SENP5: variants seen among roughly 807,000 people sequenced by gnomAD.
The protein encoded by SENP5 is SUMO specific peptidase 5, also known as sentrin-specific protease 5.
A neutral mutation model predicts 74.2 loss-of-function variants in SENP5; 21 were observed. The observed-to-expected ratio is 0.28, with a 90% CI of 0.20 to 0.41. The LOEUF (loss-of-function observed/expected upper bound fraction) is 0.41. SENP5 is among the 10% of genes least tolerant of loss of function. The pLI is 1.00. For synonymous variants in SENP5, 311 were observed against 312.7 expected (o/e 0.99, Z 0.06); for missense variants, 717 against 889.1 (o/e 0.81, Z 2.46).
At chr3:196,881,896 G>T (rs1177215256) in intron 1 of SENP5, among the ~76,000 whole-genome samples, 12 of 109,172 alleles carry the variant, frequency 1.1e-4, no homozygotes, top group Admixed American at 2.2e-4. Context: ...GATAGTATTA[G>T]TTTTTTTTTT....
chr3:196,903,197 T>C (rs1714767671), intron 5 of SENP5, among the ~76,000 whole-genome samples: 1 of 152,154 alleles, frequency 6.6e-6, no homozygotes. Flanking sequence ...TGGAGTGCAG[T>C]GATGTGATCT....
At chr3:196,909,677 T>C (rs2108846941) in intron 6 of SENP5, among the ~76,000 whole-genome samples, 1 of 152,322 alleles carries the variant, frequency 6.6e-6, no homozygotes, top group Non-Finnish European at 1.5e-5. Context: ...ATTATTTCAG[T>C]AGATGCAGAA....
intron 6 of SENP5, among the ~76,000 whole-genome samples, chr3:196,912,422 G>A (rs1281175785): frequency 6.6e-6 from 1 of 151,864 alleles, no homozygotes; most frequent in Non-Finnish European, 1.5e-5. Flanking sequence ...GGCCTGTCAG[G>A]GGGTTGGGGG....
At chr3:196,911,589 A>T (rs1715131665) in intron 6 of SENP5, among the ~76,000 whole-genome samples, 2 of 151,446 alleles carry the variant, frequency 1.3e-5, no homozygotes, top group South Asian at 4.2e-4. Context: ...TTATGTAGCC[A>T]AAAAACATAT....
Position 196,898,594 on chromosome 3 carries a change from C to G in SENP5, c.1514-1072C>G, listed in dbSNP as rs1249207834. Among the ~76,000 whole-genome samples, 2 of 151,730 alleles carry G rather than the reference C, an allele frequency of 1.3e-5. 1 individual carries two copies. Among genetic ancestry groups the G allele is most frequent in the South Asian group, 4.2e-4 (2 of 4,810 alleles). On this transcript the variant is annotated intron_variant, in intron 2 of 9. Coordinates refer to ENST00000323460, the MANE Select transcript of SENP5 (RefSeq NM_152699.5). ...GGGATGATAGAAAGAGACCCCATCT[C>G]CAAAAAATTCTATTTACTGTCTTAA... is the stretch of plus-strand genomic sequence containing the variant.
chr3:196,932,686 C>CA lies in SENP5; in HGVS notation c.*1766dup, dbSNP rs1716078191. Reference sequence around the variant, plus strand: ...AATGAGTTTTTCAAACATAATTATGCAAACATGAGATTTTTCAAAACATGC... The same window carrying CA: ...AATGAGTTTTTCAAACATAATTATGCAAAACATGAGATTTTTCAAAACATGC... On this transcript the variant is annotated 3_prime_UTR_variant, in exon 10 of 10. Transcript: ENST00000323460. The CA allele has an allele frequency of 6.8e-6, 1 of 147,266 alleles. No homozygotes were observed. Among genetic ancestry groups the CA allele is most frequent in the Non-Finnish European group, 1.5e-5 (1 of 67,308 alleles). 9.1% of individuals were successfully genotyped at this position (147,266 alleles called of 1,614,324 possible). A position where few individuals can be genotyped will look rare whatever the true frequency, so the allele number is the denominator to read the frequency against.
At chr3:196,914,486 G>A (rs1715268388) in intron 6 of SENP5, 1 of 145,998 alleles carries the variant, frequency 6.8e-6, no homozygotes, top group South Asian at 2.2e-4. Flanking sequence ...AAAAAGCCAG[G>A]CAAAGTGGTA....
intron 2 of SENP5, among the ~76,000 whole-genome samples, chr3:196,888,907 G>A (rs955453260): frequency 5.3e-5 from 8 of 152,048 alleles, no homozygotes; most frequent in Non-Finnish European, 1.0e-4. Context: ...ATGAGGTCAG[G>A]AGATCGAGAC....
intron 9 of SENP5, among the ~76,000 whole-genome samples, chr3:196,930,587 T>A (rs1715998834): frequency 6.6e-6 from 1 of 152,170 alleles, no homozygotes; most frequent in South Asian, 2.1e-4. Flanking sequence ...TCTAGGTTGC[T>A]CACCCCTTAT....
intron 6 of SENP5, among the ~76,000 whole-genome samples, chr3:196,919,246 T>C (rs1241637209): frequency 6.6e-6 from 1 of 152,214 alleles, no homozygotes; most frequent in African/African-American, 2.4e-5. Context: ...TTTGGGAGAC[T>C]GAAGTGGGTG....
At chr3:196,911,412 C>T (rs542505525) in intron 6 of SENP5, among the ~76,000 whole-genome samples, 20 of 152,202 alleles carry the variant, frequency 1.3e-4, no homozygotes, top group African/African-American at 3.9e-4. Flanking sequence ...ACAGACACTT[C>T]GCAAAAGAAG....
chr3:196,902,707 C>T (rs75135747), intron 5 of SENP5, among the ~76,000 whole-genome samples: 20,754 of 152,238 alleles, frequency 0.14, 1,709 homozygotes, highest in Middle Eastern at 0.21. Flanking sequence ...AATATGTTTA[C>T]CCTCTAAGAT....
At chr3:196,877,984 G>A (rs6583183) in intron 1 of SENP5, among the ~76,000 whole-genome samples, 122,110 of 152,210 alleles carry the variant, frequency 0.8, 49,918 homozygotes, top group African/African-American at 0.95. Context: ...GAATATATAC[G>A]TTTAATTTTA....
intron 6 of SENP5, among the ~76,000 whole-genome samples, chr3:196,915,459 C>A (rs1485503913): frequency 6.6e-6 from 1 of 152,184 alleles, no homozygotes; most frequent in African/African-American, 2.4e-5. Context: ...ATAGCCCCAC[C>A]CTGGGCCAGA....
At position 196,876,047 on chromosome 3, in the gene SENP5, G is replaced by A. The variant is rs77159631; in HGVS notation, c.-32+7974G>A. Among the ~76,000 whole-genome samples the A allele has an allele frequency of 1.2e-3, 189 of 152,248 alleles. 7 individuals are homozygous for A. In the East Asian group the frequency reaches 0.03, roughly 25 times the overall value. ...CAATATTGGCAGTATACCATAGTAA[G>A]CGTTTATTTGAATTACATGTTTATT... On this transcript the variant is annotated intron_variant, in intron 1 of 9. Transcript: ENST00000323460.
chr3:196,896,106 A>G (rs1393435027), intron 2 of SENP5, among the ~76,000 whole-genome samples: 1 of 152,224 alleles, frequency 6.6e-6, no homozygotes. Context: ...GTTTCTGAGT[A>G]AAATAAATTG....
intron 6 of SENP5, among the ~76,000 whole-genome samples, chr3:196,913,536 T>C (rs1404631833): frequency 7.2e-6 from 1 of 139,088 alleles, no homozygotes; most frequent in Non-Finnish European, 1.5e-5. Context: ...GCCACTGCAC[T>C]CCAGCCTGGG....
chr3:196,885,278 T>C lies in SENP5; in HGVS notation c.97T>C (p.Phe33Leu), dbSNP rs781125133. ...GTTTGGAGGCTTTAAGAAGTTTTAT[T>C]TTCACCAACACTTGTGCATTCTGAA... ...TGFGGFKKFYFHQHLCILKAK... is the reference protein window; with the variant it reads ...TGFGGFKKFYLHQHLCILKAK... Residue 33 changes from phenylalanine (F) to leucine (L), a missense_variant, in exon 2 of 10, where the codon TTT becomes CTT. Coordinates refer to ENST00000323460, the MANE Select transcript of SENP5 (RefSeq NM_152699.5). 6 of 1,614,046 alleles carry C rather than the reference T, an allele frequency of 3.7e-6. No individual in the cohort carries two copies. Among genetic ancestry groups the C allele is most frequent in the Non-Finnish European group, 5.1e-6 (6 of 1,180,028 alleles).
chr3:196,923,581 T>A (rs1275520306), intron 7 of SENP5, 30 bp downstream of exon 7: 1 of 1,518,188 alleles, frequency 6.6e-7, no homozygotes, highest in African/African-American at 1.4e-5. Flanking sequence ...ATTTTTTCAT[T>A]TATTTTGTAA....
Sources: gnomAD v4.1 joint callset for allele counts (sites outside exome capture counted in the v4.1 genomes callset) on GRCh38, gnomAD v4.1.1 for gene constraint, MANE v1.5 for transcripts, NCBI Gene and HGNC (gene_info 2026-07-23, HGNC 2026-07-21) for gene names.